The following TAOK3 variants were observed in gnomAD, a reference collection of about 807,000 sequenced individuals.
The protein encoded by TAOK3 is serine/threonine-protein kinase TAO3.
Under a neutral mutation model 120.4 loss-of-function variants are expected in TAOK3, and 40 were observed. That is an observed-to-expected ratio of 0.33 (90% confidence interval 0.26 to 0.43). The LOEUF is 0.43. Among genes scored for constraint, TAOK3 ranks in the 20% least tolerant of loss-of-function variants. The probability of loss-of-function intolerance (pLI) is 1.00; values close to 1 mark genes in which losing one functional copy is unlikely to be tolerated. For missense variants in TAOK3, 821 were observed against 1,112.1 expected (o/e 0.74, Z 3.72); for synonymous variants, 355 against 387.5 (o/e 0.92, Z 0.99).
rs187240904 is a variant in TAOK3 at position 118,202,500 on chromosome 12, C to T, written c.820-1037G>A. Reference sequence around the variant, plus strand: ...TTCCCACCAACAGTATATAAGGATTCCCTTTTCTCTATACCCTTGCCACTT... The same window carrying T: ...TTCCCACCAACAGTATATAAGGATTTCCTTTTCTCTATACCCTTGCCACTT... On this transcript the variant is annotated intron_variant, in intron 11 of 20. Coordinates refer to ENST00000392533, the MANE Select transcript of TAOK3 (RefSeq NM_016281.4). 3.3e-5 allele frequency among the ~76,000 whole-genome samples: 5 copies of T among 152,170 alleles called. 1 individual carries two copies. The highest frequency in any genetic ancestry group is 3.3e-4 in the Admixed American group (5 of 15,280).
In TAOK3 at chr12:118,372,487, C is replaced by T. The variant is rs777291088; in HGVS notation, c.-194+161G>A. Among the ~76,000 whole-genome samples, 28 of 151,910 alleles carry T rather than the reference C, an allele frequency of 1.8e-4. No homozygotes were observed. The highest frequency in any genetic ancestry group is 2.1e-4 in the South Asian group (1 of 4,812). On this transcript the variant is annotated intron_variant, in intron 1 of 20. Coordinates refer to ENST00000392533, the MANE Select transcript of TAOK3 (RefSeq NM_016281.4). This position sits in a 1 kb window ranked among gnomAD's most constrained non-coding sequence, Gnocchi z 4.6. ...CTCCACTCAGAGCCACTGCCTCGGTCCCTCTCGGAGTCCCCTCTCCTCACC... is the reference window on the plus strand; with the variant it reads ...CTCCACTCAGAGCCACTGCCTCGGTTCCTCTCGGAGTCCCCTCTCCTCACC...
intron 1 of TAOK3, among the ~76,000 whole-genome samples, chr12:118,267,004 A>G (rs2041475428): frequency 6.6e-6 from 1 of 152,184 alleles, no homozygotes; most frequent in Admixed American, 6.5e-5. Context: ...TGAAGCTTCC[A>G]CTGGTTTGTT....
chr12:118,168,988 CCTTCCTTCCTTCCTTT>C lies in TAOK3; in HGVS notation c.1899+3453_1899+3468del, dbSNP rs774431653. Among the ~76,000 whole-genome samples, 684 of 78,702 alleles carry C rather than the reference CCTTCCTTCCTTCCTTT, an allele frequency of 8.7e-3. 1 individual carries two copies. The highest frequency in any genetic ancestry group is 7.9e-3 in the Non-Finnish European group (272 of 34,480). 51.6% of individuals were successfully genotyped at this position (78,702 alleles called of 152,430 possible). A position where few individuals can be genotyped will look rare whatever the true frequency, so the allele number is the denominator to read the frequency against. Reference sequence around the variant, plus strand: ...TCCTTCCTTCCTTCCTTCCTTCCTTCCTTCCTTCCTTCCTTTCTTTCTTTCTTTCTTTCTATTTTTT... The same window carrying C: ...TCCTTCCTTCCTTCCTTCCTTCCTTCCTTTCTTTCTTTCTTTCTATTTTTT... On this transcript the variant is annotated intron_variant, in intron 17 of 20. Coordinates refer to ENST00000392533, the MANE Select transcript of TAOK3 (RefSeq NM_016281.4).
intron 1 of TAOK3, among the ~76,000 whole-genome samples, chr12:118,368,700 G>A (rs933947675): frequency 4.6e-5 from 7 of 150,754 alleles, no homozygotes; most frequent in African/African-American, 1.7e-4. Context: ...CAGCTACCCG[G>A]GAGGCTGAGG....
chr12:118,325,998 A>G (rs1264488778), intron 1 of TAOK3, among the ~76,000 whole-genome samples: 1 of 151,980 alleles, frequency 6.6e-6, no homozygotes, highest in Non-Finnish European at 1.5e-5. Context: ...CACTTTGTTG[A>G]TTGTTTCTTT....
intron 7 of TAOK3, 83 bp downstream of exon 7, chr12:118,237,990 A>T (rs2040084841): frequency 1.1e-6 from 1 of 894,740 alleles, no homozygotes; most frequent in Admixed American, 2.3e-5. Flanking sequence ...CAACCTAAAA[A>T]TTGGAGCATG....
intron 9 of TAOK3, among the ~76,000 whole-genome samples, chr12:118,222,232 A>T (rs992100630): frequency 5.3e-5 from 8 of 152,096 alleles, no homozygotes; most frequent in Non-Finnish European, 7.4e-5. Context: ...CTGACCAAGG[A>T]GTAAATAAAG....
At chr12:118,253,755 CAAA>C (rs11299995) in intron 3 of TAOK3, among the ~76,000 whole-genome samples, 12 of 146,142 alleles carry the variant, frequency 8.2e-5, no homozygotes, top group South Asian at 2.2e-4. Flanking sequence ...AACAAACAAA[CAAA>C]AAAAAAAAAA....
intron 9 of TAOK3, among the ~76,000 whole-genome samples, chr12:118,226,329 T>C (rs1441055272): frequency 2.6e-5 from 4 of 152,060 alleles, no homozygotes; most frequent in Non-Finnish European, 5.9e-5. Flanking sequence ...TGAGCTGAGA[T>C]TGCGCCACTG....
chr12:118,355,887 G>A (rs1279756980), intron 1 of TAOK3, among the ~76,000 whole-genome samples: 1 of 152,186 alleles, frequency 6.6e-6, no homozygotes, highest in African/African-American at 2.4e-5. Flanking sequence ...AGAAGAAACT[G>A]AGGTTTCGGG....
intron 13 of TAOK3, among the ~76,000 whole-genome samples, chr12:118,191,525 G>A (rs918628470): frequency 1.3e-5 from 2 of 152,050 alleles, no homozygotes; most frequent in Non-Finnish European, 2.9e-5. Context: ...TAATGGCTAT[G>A]TTTCAAGCAC....
At chr12:118,303,925 G>A (rs747524923) in intron 1 of TAOK3, among the ~76,000 whole-genome samples, 89 of 152,348 alleles carry the variant, frequency 5.8e-4, no homozygotes, top group Non-Finnish European at 4.0e-4. Context: ...TGGGATTACA[G>A]GCGTGAGCCA....
intron 2 of TAOK3, among the ~76,000 whole-genome samples, chr12:118,260,873 G>T (rs1428892579): frequency 1.3e-5 from 2 of 152,114 alleles, no homozygotes; most frequent in African/African-American, 4.8e-5. Context: ...TAGAGACAGG[G>T]TTTCACCATG....
chr12:118,297,880 G>A (rs10507287), intron 1 of TAOK3, among the ~76,000 whole-genome samples: 10,797 of 152,170 alleles, frequency 0.071, 988 homozygotes, highest in African/African-American at 0.21. Flanking sequence ...GATCCTTCCG[G>A]TATGTTATGG....
intron 1 of TAOK3, among the ~76,000 whole-genome samples, chr12:118,291,179 G>A (rs1255305687): frequency 1.4e-5 from 2 of 143,318 alleles, no homozygotes; most frequent in East Asian, 4.3e-4. Flanking sequence ...TTTTTGAGAT[G>A]GAGTTTTGCT....
At chr12:118,230,308 C>A (rs1208708708) in intron 9 of TAOK3, among the ~76,000 whole-genome samples, 1 of 151,960 alleles carries the variant, frequency 6.6e-6, no homozygotes, top group African/African-American at 2.4e-5. Context: ...GTCTGTTCTA[C>A]TGGATACTAG....
At chr12:118,283,037 T>C (rs978943899) in intron 1 of TAOK3, among the ~76,000 whole-genome samples, 2 of 152,192 alleles carry the variant, frequency 1.3e-5, no homozygotes, top group Non-Finnish European at 2.9e-5. Context: ...TTTAGAGTGT[T>C]CCAGTTTCTA....
intron 1 of TAOK3, among the ~76,000 whole-genome samples, chr12:118,351,263 G>T (rs2045140507): frequency 6.6e-6 from 1 of 152,202 alleles, no homozygotes. Flanking sequence ...TAGAACAGGG[G>T]ATGATTCAGT....
chr12:118,192,345 C>A (rs1400939453), intron 13 of TAOK3, among the ~76,000 whole-genome samples: 1 of 152,072 alleles, frequency 6.6e-6, no homozygotes, highest in Non-Finnish European at 1.5e-5. Flanking sequence ...AAAATTTTAA[C>A]CCACTTTAAA....
Sources: allele counts gnomAD v4.1 joint callset (sites outside exome capture counted in the v4.1 genomes callset), GRCh38; gene constraint gnomAD v4.1.1; non-coding constraint Gnocchi (gnomAD v3.1); transcripts MANE v1.5; gene names NCBI Gene and HGNC (gene_info 2026-07-23, HGNC 2026-07-21).